Variants in TPRG1L observed in about 807,000 individuals in gnomAD.
TPRG1L encodes the protein tumor protein p63 regulated 1 like.
In TPRG1L, 25 loss-of-function variants were observed where a neutral mutation model predicts 29.4. The ratio of observed to expected loss-of-function variants is 0.85; its 90% CI spans 0.62 to 1.19. The LOEUF is 1.19. Ranked by LOEUF, TPRG1L falls within the 50% of genes most tolerant of loss-of-function variation. TPRG1L has a pLI of 0.00. For synonymous variants in TPRG1L, 182 were observed against 151.1 expected, an observed-to-expected ratio of 1.20 and a Z score of -1.50; for missense variants, 354 against 364.4, an observed-to-expected ratio of 0.97 and a Z score of 0.23.
chr1:3,628,267 G>C, intron 4 of TPRG1L, 142 bp from the exon 5 acceptor site: 1 of 694,764 alleles, frequency 1.4e-6, no homozygotes, highest in South Asian at 2.0e-5. Context: ...GGATGTGGCA[G>C]AGGCAGCCCT....
Position 3,628,521 on chromosome 1 carries a change from A to AGACCT in TPRG1L, c.738_742dup (p.Tyr248Ter), listed in dbSNP as rs771662199. The AGACCT allele has an allele frequency of 3.7e-6, 6 of 1,614,116 alleles. No individual in the cohort carries two copies. The highest frequency in any genetic ancestry group is 5.1e-6 in the Non-Finnish European group (6 of 1,179,988). On this transcript the variant is annotated frameshift_variant, in exon 5 of 5. Transcript: ENST00000378344. LOFTEE classifies it high-confidence loss of function. ...ATCCTGGAGCGCCCCCTGCTCATCG[A>AGACCT]GACCTACGTGGGACTCATGTCCTTC...
At chr1:3,627,464 C>T (rs1644497975) in intron 3 of TPRG1L, 36 bp from the exon 4 acceptor site, 1 of 1,611,568 alleles carries the variant, frequency 6.2e-7, no homozygotes, top group Non-Finnish European at 8.5e-7. Flanking sequence ...CTGTGGCCTG[C>T]CATGCTAAGT....
chr1:3,626,918 C>T (rs1002747531), intron 3 of TPRG1L, among the ~76,000 whole-genome samples: 6 of 152,052 alleles, frequency 3.9e-5, no homozygotes, highest in African/African-American at 1.2e-4. Flanking sequence ...GTAAAGATTA[C>T]CAAAATAATA....
chr1:3,629,667 G>A lies in TPRG1L; in HGVS notation c.*1064G>A, dbSNP rs1221908771. 6.6e-6 allele frequency: 1 copy of A among 151,960 alleles called. No individual in the cohort carries two copies. Among genetic ancestry groups the A allele is most frequent in the Admixed American group, 6.6e-5 (1 of 15,212 alleles). The allele number at this position is 151,960 out of a possible 1,614,324, so 9.4% of individuals were successfully genotyped here. ...GAGCCCAGGAGGCGGAGGTTGCAGT[G>A]AGCTGAGATGGCACCACTTATTGCA... On this transcript the variant is annotated 3_prime_UTR_variant, in exon 5 of 5. Transcript: ENST00000378344.
rs752255464 is a variant in TPRG1L at position 3,625,772 on chromosome 1, T to C, written c.353T>C (p.Leu118Pro). 6.2e-7 allele frequency: 1 copy of C among 1,613,692 alleles called. No homozygotes were observed. Among genetic ancestry groups the C allele is most frequent in the Non-Finnish European group, 8.5e-7 (1 of 1,180,018 alleles). ...GTGCTGGTCACGGAGCAGTCCCTGC[T>C]TATCTGTAAATACGACTTCATCAGT... is the stretch of plus-strand genomic sequence containing the variant. ...RLVLVTEQSL[L>P]ICKYDFISLQ... The change falls in exon 3 of 5, where the codon CTT becomes CCT. Residue 118 changes from leucine to proline, a missense_variant. Transcript: ENST00000378344.
chr1:3,625,249 C>T lies in TPRG1L; in HGVS notation c.177C>T (p.Arg59=). The change falls in exon 1 of 5, where the codon CGC becomes CGT. Residue 59 remains arginine (R), a synonymous_variant. Coordinates refer to ENST00000378344, the MANE Select transcript of TPRG1L (RefSeq NM_182752.4). The stretch of plus-strand genomic sequence containing the variant: ...TCCACGACCCCACGCGCCGCGCCCG[C>T]GTCAAGGAGTACTTCGTGTTCCGGG... ...LSIHDPTRRA[R]VKEYFVFRPG... is the part of the protein sequence containing the mutation. 7.3e-7 allele frequency: 1 copy of T among 1,369,790 alleles called. No homozygotes were observed. Among genetic ancestry groups the T allele is most frequent in the Non-Finnish European group, 9.4e-7 (1 of 1,067,954 alleles). 84.9% of individuals were successfully genotyped at this position (1,369,790 alleles called of 1,614,324 possible).
chr1:3,625,234 C>T lies in TPRG1L; in HGVS notation c.162C>T (p.Pro54=). The T allele has an allele frequency of 7.3e-7, 1 of 1,362,214 alleles. No homozygotes were observed. The highest frequency in any genetic ancestry group is 9.4e-7 in the Non-Finnish European group (1 of 1,063,306). The allele number at this position is 1,362,214 out of a possible 1,614,324, so 84.4% of individuals were successfully genotyped here. A position where few individuals can be genotyped will look rare whatever the true frequency, so the allele number is the denominator to read the frequency against. ...TCTGGCCTCTCAGCATCCACGACCC[C>T]ACGCGCCGCGCCCGCGTCAAGGAGT... ...QTLWPLSIHD[P]TRRARVKEYF... Residue 54 remains proline, a synonymous_variant, in exon 1 of 5, where the codon CCC becomes CCT. Transcript: ENST00000378344.
intron 3 of TPRG1L, 96 bp from the exon 4 acceptor site, chr1:3,627,404 G>T: frequency 1.4e-6 from 2 of 1,394,020 alleles, no homozygotes; most frequent in Admixed American, 2.0e-5. Flanking sequence ...TGTGCTTTTT[G>T]CTGTCATATT....
rs1341565173 is a variant in TPRG1L at position 3,625,360 on chromosome 1, C to T, written c.202-64C>T. On this transcript the variant is annotated intron_variant, in intron 1 of 4. Transcript: ENST00000378344. ...GGGTCGGAGGCGGGCGCCGGGCGGT[C>T]CCGCAGGGAGCGAGCTGTGACCTGT... 4 of 1,543,234 alleles carry T rather than the reference C, an allele frequency of 2.6e-6. No homozygotes were observed. The East Asian group carries it at 7.4e-5, about 28-fold the overall frequency.
chr1:3,628,429 G>A lies in TPRG1L; in HGVS notation c.645G>A (p.Leu215=). The change falls in exon 5 of 5, where the codon CTG becomes CTA. Residue 215 remains leucine, a synonymous_variant. Transcript: ENST00000378344. ...TAAAGTTGGAAAGCTTCAAGGCTCTGTTAATCCAAGCTGTCAAAAAAGCCC... is the reference window on the plus strand; with the variant it reads ...TAAAGTTGGAAAGCTTCAAGGCTCTATTAATCCAAGCTGTCAAAAAAGCCC... ...SLCQLESFKA[L]LIQAVKKAQK... 1.2e-6 allele frequency: 2 copies of A among 1,609,154 alleles called. No individual in the cohort carries two copies. The highest frequency in any genetic ancestry group is 1.7e-6 in the Non-Finnish European group (2 of 1,176,594).
rs928393948 is a variant in TPRG1L, at chr1:3,625,091, T to G, written c.19T>G (p.Ser7Ala). The change falls in exon 1 of 5, where the codon TCG (serine) becomes GCG (alanine). Residue 7 changes from serine to alanine, a missense_variant. Transcript: ENST00000378344. MLQLRDSVDSAGTSPTA... is the reference protein window; with the variant it reads MLQLRDAVDSAGTSPTA... ...TGCGGCAATGCTGCAACTGCGGGAC[T>G]CGGTGGACTCGGCCGGTACGAGCCC... 64 of 1,213,000 alleles carry G rather than the reference T, an allele frequency of 5.3e-5. No individual in the cohort carries two copies. In the African/African-American group the frequency reaches 9.0e-4, roughly 17 times the overall value. The allele number at this position is 1,213,000 out of a possible 1,614,324, so 75.1% of individuals were successfully genotyped here.
At position 3,625,037 on chromosome 1, in the gene TPRG1L, T is replaced by C; in HGVS notation, c.-36T>C. ...GGTGGCTGCGGCGACGGCGGTCGCG[T>C]CGGCGTCAGGGTCGGGGTCGGTAAG... On this transcript the variant is annotated 5_prime_UTR_variant, in exon 1 of 5. Coordinates refer to ENST00000378344, the MANE Select transcript of TPRG1L (RefSeq NM_182752.4). 8.4e-7 allele frequency: 1 copy of C among 1,184,178 alleles called. No homozygotes were observed. Among genetic ancestry groups the C allele is most frequent in the Non-Finnish European group, 1.1e-6 (1 of 950,872 alleles). The allele number at this position is 1,184,178 out of a possible 1,614,324, so 73.4% of individuals were successfully genotyped here.
At chr1:3,628,240 G>T (rs989697703) in intron 4 of TPRG1L, among the ~76,000 whole-genome samples, 169 bp from the exon 5 acceptor site, 13 of 152,260 alleles carry the variant, frequency 8.5e-5, no homozygotes, top group African/African-American at 2.7e-4. Context: ...GTGGGGACGA[G>T]AGTTGAGAGA....
intron 3 of TPRG1L, among the ~76,000 whole-genome samples, chr1:3,627,291 CAA>C (rs578123609): frequency 1.3e-5 from 2 of 152,078 alleles, no homozygotes; most frequent in South Asian, 4.2e-4. Flanking sequence ...GCCTGGGCAA[CAA>C]GAGCAAAACT....
rs767432752 is a variant in TPRG1L, at chr1:3,627,624, G to A, written c.595G>A (p.Ala199Thr). The change falls in exon 4 of 5, where the codon GCA becomes ACA. Residue 199 changes from alanine (A) to threonine (T), a missense_variant. By Grantham distance (58) the Ala-to-Thr change is moderately conservative. Coordinates refer to ENST00000378344, the MANE Select transcript of TPRG1L (RefSeq NM_182752.4). ...ATFTEHPMAG[A>T]DEKTASLCQL... ...TTTCACAGAACACCCGATGGCTGGC[G>A]CAGATGAGAAGACAGCATCTCTGTG... 5 of 1,613,982 alleles carry A rather than the reference G, an allele frequency of 3.1e-6. No homozygotes were observed. The highest frequency in any genetic ancestry group is 4.2e-6 in the Non-Finnish European group (5 of 1,180,030).
In TPRG1L at chr1:3,625,026, C is replaced by G; in HGVS notation, c.-47C>G. The G allele has an allele frequency of 3.5e-5, 42 of 1,183,776 alleles. No homozygotes were observed. The highest frequency in any genetic ancestry group is 4.3e-5 in the Non-Finnish European group (41 of 949,106). 73.3% of individuals were successfully genotyped at this position (1,183,776 alleles called of 1,614,324 possible). A position where few individuals can be genotyped will look rare whatever the true frequency, so the allele number is the denominator to read the frequency against. Reference sequence around the variant, plus strand: ...CGGGTGGTGGCGGTGGCTGCGGCGACGGCGGTCGCGTCGGCGTCAGGGTCG... The same window carrying G: ...CGGGTGGTGGCGGTGGCTGCGGCGAGGGCGGTCGCGTCGGCGTCAGGGTCG... On this transcript the variant is annotated 5_prime_UTR_variant, in exon 1 of 5. Coordinates refer to ENST00000378344, the MANE Select transcript of TPRG1L (RefSeq NM_182752.4).
intron 1 of TPRG1L, 54 bp from the exon 2 acceptor site, chr1:3,625,370 G>T (rs1023997925): frequency 1.9e-6 from 3 of 1,546,438 alleles, no homozygotes; most frequent in Admixed American, 2.0e-5. Context: ...CCCGCAGGGA[G>T]CGAGCTGTGA....
rs768499658 is a variant in TPRG1L, at chr1:3,625,453, G to A, written c.231G>A (p.Glu77=). Residue 77 remains glutamate, a synonymous_variant, in exon 2 of 5, where the codon GAG becomes GAA. Transcript: ENST00000378344. Reference sequence around the variant, plus strand: ...GCAGCATCGAGCAGGCAGTGGAGGAGATCCGCGTGGTGGTGCGGCCCGTGG... The same window carrying A: ...GCAGCATCGAGCAGGCAGTGGAGGAAATCCGCGTGGTGGTGCGGCCCGTGG... The part of the protein sequence containing the change: ...RPGSIEQAVE[E]IRVVVRPVED... 1 of 1,606,234 alleles carries A rather than the reference G, an allele frequency of 6.2e-7. No homozygotes were observed. The highest frequency in any genetic ancestry group is 1.1e-5 in the South Asian group (1 of 89,274).
At chr1:3,628,340 A>T (rs1206634744) in intron 4 of TPRG1L, 69 bp from the exon 5 acceptor site, 1 of 1,413,134 alleles carries the variant, frequency 7.1e-7, no homozygotes, top group Non-Finnish European at 9.7e-7. Context: ...CAGAATGCTA[A>T]TTTTTTCAAG....
Sources: gnomAD v4.1 joint callset for allele counts (sites outside exome capture counted in the v4.1 genomes callset) on GRCh38, gnomAD v4.1.1 for gene constraint, MANE v1.5 for transcripts, NCBI Gene and HGNC (gene_info 2026-07-23, HGNC 2026-07-21) for gene names.